The following STPG2 variants were observed in gnomAD, a reference collection of about 807,000 sequenced individuals.
STPG2 encodes sperm tail PG-rich repeat containing 2.
In STPG2, 56 loss-of-function variants were observed where a neutral mutation model predicts 54.2. That is an observed-to-expected ratio of 1.03 (90% CI 0.83 to 1.29). The LOEUF is 1.29. Ranked by LOEUF, STPG2 falls within the 50% of genes most tolerant of loss-of-function variation. STPG2 has a pLI of 0.00. For synonymous variants in STPG2, 200 were observed against 181.8 expected (o/e 1.10, Z -0.81); for missense variants, 596 against 544.9 (o/e 1.09, Z -0.93).
intron 5 of STPG2, among the ~76,000 whole-genome samples, chr4:98,065,878 C>T (rs886751846): frequency 4.6e-5 from 7 of 152,114 alleles, no homozygotes; most frequent in African/African-American, 1.7e-4. Flanking sequence ...TCACCTGATA[C>T]ACCTACCAAG....
At chr4:97,851,504 G>A (rs1451992778) in intron 8 of STPG2, among the ~76,000 whole-genome samples, 1 of 152,016 alleles carries the variant, frequency 6.6e-6, no homozygotes, top group Non-Finnish European at 1.5e-5. Flanking sequence ...ATTTAGCAAA[G>A]CCTAAAAATA....
chr4:98,060,965 CT>C (rs1296782192), intron 5 of STPG2, among the ~76,000 whole-genome samples: 1 of 152,134 alleles, frequency 6.6e-6, no homozygotes, highest in Non-Finnish European at 1.5e-5. Flanking sequence ...TATAAAAACC[CT>C]GGAAGACAAC....
chr4:97,702,567 C>T lies in STPG2; in HGVS notation c.1320+10132G>A, dbSNP rs184867759. ...TTATCTTTCCTGGCAACTGTCTCAC[C>T]GGAGGCCATCACTGTTGCCTCAGGT... is the stretch of plus-strand genomic sequence containing the variant. On this transcript the variant is annotated intron_variant, in intron 10 of 10. Transcript: ENST00000295268. 1.7e-3 allele frequency among the ~76,000 whole-genome samples: 262 copies of T among 152,178 alleles called. 1 individual carries two copies. Among genetic ancestry groups the T allele is most frequent in the African/African-American group, 5.9e-3 (247 of 41,532 alleles).
At chr4:97,819,357 ATCAAAGGTATTATTTATGTTTAT>A (rs1728013897) in intron 9 of STPG2, among the ~76,000 whole-genome samples, 1 of 152,166 alleles carries the variant, frequency 6.6e-6, no homozygotes, top group African/African-American at 2.4e-5. Flanking sequence ...TGATTTTTAC[ATCAAAGGTATTATTTATGTTTAT>A]TGAAAAAGTG....
Position 97,840,830 on chromosome 4 carries a change from G to C in STPG2, c.1147C>G (p.His383Asp), listed in dbSNP as rs762045832. ...PPRSLVAKRK[H>D]ASFLSATPRC... ...GGAGTTGCACTAAGAAAAGAGGCAT[G>C]TTTTCTTTTAGCCACTAAACTACGA... The change falls in exon 9 of 11, where the codon CAT becomes GAT. Residue 383 changes from histidine to aspartate, a missense_variant. Transcript: ENST00000295268. The C allele has an allele frequency of 1.9e-6, 3 of 1,611,964 alleles. No homozygotes were observed. Among genetic ancestry groups the C allele is most frequent in the East Asian group, 2.2e-5 (1 of 44,814 alleles).
At chr4:97,766,882 A>G (rs948985086) in intron 9 of STPG2, among the ~76,000 whole-genome samples, 1 of 152,020 alleles carries the variant, frequency 6.6e-6, no homozygotes, top group Non-Finnish European at 1.5e-5. Context: ...GCTTAATTGT[A>G]TCACCCACTG....
intron 5 of STPG2, among the ~76,000 whole-genome samples, chr4:97,988,125 T>TC (rs1734884348): frequency 6.6e-6 from 1 of 151,996 alleles, no homozygotes; most frequent in Admixed American, 6.6e-5. Context: ...TTGCTACATA[T>TC]CTTCCTCAAA....
chr4:97,637,127 C>T (rs1721573805), intron 10 of STPG2, among the ~76,000 whole-genome samples: 1 of 151,714 alleles, frequency 6.6e-6, no homozygotes, highest in Non-Finnish European at 1.5e-5. Flanking sequence ...AGCAGCACAT[C>T]AAAAAGCTTA....
intron 8 of STPG2, among the ~76,000 whole-genome samples, chr4:97,927,767 G>C (rs113713768): frequency 3.3e-5 from 5 of 151,790 alleles, no homozygotes; most frequent in African/African-American, 4.8e-5. Context: ...TAAACTCTGC[G>C]CCTCCATTTC....
intron 5 of STPG2, among the ~76,000 whole-genome samples, chr4:98,041,345 T>C (rs1736950869): frequency 6.6e-6 from 1 of 151,962 alleles, no homozygotes; most frequent in Non-Finnish European, 1.5e-5. Context: ...TTGCTCTGGC[T>C]AGAACTTTCC....
chr4:97,824,295 T>C (rs1198167376), intron 9 of STPG2, among the ~76,000 whole-genome samples: 4 of 151,926 alleles, frequency 2.6e-5, no homozygotes, highest in Non-Finnish European at 1.5e-5. Context: ...TCCCTTCCTT[T>C]CTCTCTCTCT....
At chr4:97,585,657 A>T (rs912206066) in intron 10 of STPG2, among the ~76,000 whole-genome samples, 2 of 151,750 alleles carry the variant, frequency 1.3e-5, no homozygotes, top group Non-Finnish European at 1.5e-5. Flanking sequence ...TTCCCCTATC[A>T]CTCTGGGAGA....
At chr4:97,552,014 A>T (rs1390218312) in intron 4 of STPG2, among the ~76,000 whole-genome samples, 8 of 152,198 alleles carry the variant, frequency 5.3e-5, no homozygotes, top group African/African-American at 1.7e-4. Context: ...CACTTCAAAA[A>T]GGGTTGGAGA....
intron 9 of STPG2, among the ~76,000 whole-genome samples, chr4:97,716,794 C>T (rs747812218): frequency 2.0e-5 from 3 of 151,544 alleles, no homozygotes; most frequent in Non-Finnish European, 4.4e-5. Flanking sequence ...CACCATGGCA[C>T]GTGGTGCCTA....
At chr4:97,595,573 A>G (rs1157185420) in intron 10 of STPG2, among the ~76,000 whole-genome samples, 1 of 152,118 alleles carries the variant, frequency 6.6e-6, no homozygotes, top group African/African-American at 2.4e-5. Flanking sequence ...TGTTGTGCAC[A>G]TGTACCCTAG....
intron 8 of STPG2, among the ~76,000 whole-genome samples, chr4:97,844,975 T>A (rs1212847005): frequency 6.6e-6 from 1 of 152,042 alleles, no homozygotes; most frequent in African/African-American, 2.4e-5. Flanking sequence ...ATTTTTTATT[T>A]ATGTTTTTGT....
chr4:97,608,039 G>T (rs925585220), intron 10 of STPG2, among the ~76,000 whole-genome samples: 33 of 151,878 alleles, frequency 2.2e-4, no homozygotes, highest in African/African-American at 7.3e-4. Context: ...GCTAAAAGGT[G>T]GGGGGAAAGG....
At chr4:97,661,853 A>G (rs552335118) in intron 10 of STPG2, among the ~76,000 whole-genome samples, 1 of 152,298 alleles carries the variant, frequency 6.6e-6, no homozygotes, top group South Asian at 2.1e-4. Flanking sequence ...TTGTCTCCAC[A>G]GAGCTTTGGC....
At chr4:97,905,525 A>C (rs1163212406) in intron 8 of STPG2, among the ~76,000 whole-genome samples, 1 of 152,178 alleles carries the variant, frequency 6.6e-6, no homozygotes, top group Non-Finnish European at 1.5e-5. Flanking sequence ...AAGACCATCG[A>C]GACTAGGAAG....
Sources: allele counts gnomAD v4.1 joint callset (sites outside exome capture counted in the v4.1 genomes callset), GRCh38; gene constraint gnomAD v4.1.1; transcripts MANE v1.5; gene names NCBI Gene and HGNC (gene_info 2026-07-23, HGNC 2026-07-21).